Variants in ABHD10 observed in about 807,000 individuals in gnomAD.
ABHD10 encodes the protein abhydrolase domain containing 10, depalmitoylase.
Under a neutral mutation model 33.1 loss-of-function variants are expected in ABHD10, and 22 were observed. That is an observed-to-expected ratio of 0.66 (90% CI 0.47 to 0.95). The LOEUF is 0.95. ABHD10 is among the 40% of genes least tolerant of loss of function. The probability of loss-of-function intolerance (pLI) is 0.00; values close to 1 mark genes in which losing one functional copy is unlikely to be tolerated. For synonymous variants in ABHD10, 146 were observed against 133.9 expected, an observed-to-expected ratio of 1.09 and a Z score of -0.62; for missense variants, 352 against 379.9, an observed-to-expected ratio of 0.93 and a Z score of 0.61.
At position 111,981,808 on chromosome 3, in the gene ABHD10, C is replaced by T. The variant is rs1277500450; in HGVS notation, c.167C>T (p.Ser56Leu). The change falls in exon 2 of 5, where the codon TCA (serine) becomes TTA (leucine). Residue 56 changes from serine (S) to leucine (L), a missense_variant. Physicochemically the swap from Ser to Leu is moderately radical, Grantham distance 145. Transcript: ENST00000273359. ...LPACRQKTSL[S>L]FLNRPDLPNL... is the part of the protein sequence containing the mutation. ...GCTTGTAGACAAAAGACGTCACTCT[C>T]ATTCCTTAATCGACCAGACCTTCCA... 6.3e-6 allele frequency: 10 copies of T among 1,579,852 alleles called. No individual in the cohort carries two copies. In the South Asian group the frequency reaches 9.3e-5, roughly 15 times the overall value.
intron 4 of ABHD10, among the ~76,000 whole-genome samples, chr3:111,988,190 A>G (rs750954885): frequency 1.8e-4 from 27 of 152,338 alleles, no homozygotes; most frequent in Non-Finnish European, 3.4e-4. Context: ...CCTGTGCCAT[A>G]TATTAACTAA....
chr3:111,982,533 A>G (rs1261819659), intron 2 of ABHD10, among the ~76,000 whole-genome samples: 1 of 152,076 alleles, frequency 6.6e-6, no homozygotes, highest in Non-Finnish European at 1.5e-5. Flanking sequence ...GTCTACCTGT[A>G]GCAGTTATAT....
intron 4 of ABHD10, among the ~76,000 whole-genome samples, chr3:111,987,540 G>A (rs2072683187): frequency 6.6e-6 from 1 of 152,018 alleles, no homozygotes; most frequent in East Asian, 1.9e-4. Context: ...TCCACAGATG[G>A]TCAAGTCTCT....
At position 111,981,902 on chromosome 3, in the gene ABHD10, T is replaced by C. The variant is rs749218961; in HGVS notation, c.261T>C (p.Tyr87=). The C allele has an allele frequency of 6.2e-6, 10 of 1,608,036 alleles. No individual in the cohort carries two copies. In the South Asian group the frequency reaches 6.7e-5, roughly 11 times the overall value. Residue 87 remains tyrosine (Y), a synonymous_variant, in exon 2 of 5, where the codon TAT becomes TAC. Transcript: ENST00000273359. ...GIIFIPGYLS[Y]MNGTKALAIE... is the part of the protein sequence containing the mutation. ...TCTTCATCCCTGGCTATCTTTCTTA[T>C]ATGAATGGTACAAAAGCGTTGGCGA...
chr3:111,983,291 A>G (rs1489978730), intron 2 of ABHD10, among the ~76,000 whole-genome samples: 1 of 152,172 alleles, frequency 6.6e-6, no homozygotes, highest in Non-Finnish European at 1.5e-5. Flanking sequence ...TGAGCAGAAG[A>G]TCATAATATC....
At chr3:111,989,804 A>G (rs958770846) in intron 4 of ABHD10, among the ~76,000 whole-genome samples, 1 of 143,192 alleles carries the variant, frequency 7.0e-6, no homozygotes, top group Non-Finnish European at 1.5e-5. Context: ...TTAGAAGTAC[A>G]GTTTTTTTTT....
At position 111,979,156 on chromosome 3, in the gene ABHD10, G is replaced by A. The variant is rs753810252; in HGVS notation, c.95G>A (p.Ser32Asn). ...CCCTTCGGTCCCCACCGTGGCCTCA[G>A]CGTGCTGCTTGCACGGATACCTCAG... ...AVPFGPHRGLSVLLARIPQRA... is the reference protein window; with the variant it reads ...AVPFGPHRGLNVLLARIPQRA... The change falls in exon 1 of 5, where the codon AGC becomes AAC. Residue 32 changes from serine to asparagine, a missense_variant. Ser to Asn is a conservative substitution (Grantham distance 46). Coordinates refer to ENST00000273359, the MANE Select transcript of ABHD10 (RefSeq NM_018394.4). The A allele has an allele frequency of 6.2e-7, 1 of 1,612,886 alleles. No individual in the cohort carries two copies. The highest frequency in any genetic ancestry group is 2.2e-5 in the East Asian group (1 of 44,852).
chr3:111,989,743 A>G (rs1009029190), intron 4 of ABHD10, among the ~76,000 whole-genome samples: 4 of 151,942 alleles, frequency 2.6e-5, no homozygotes, highest in Non-Finnish European at 5.9e-5. Context: ...ATTTATATAC[A>G]TTTTATAGTT....
rs1211549528 is a variant in ABHD10, at chr3:111,986,196, T to A, written c.327-68T>A. 1.3e-5 allele frequency: 11 copies of A among 849,292 alleles called. No homozygotes were observed. The Admixed American group carries it at 2.0e-4, about 16-fold the overall frequency. 52.6% of individuals were successfully genotyped at this position (849,292 alleles called of 1,614,324 possible). On this transcript the variant is annotated intron_variant, in intron 2 of 4. Transcript: ENST00000273359. ...CATTATAGTAATGAGGAAGGTGCTATCTTTCTTAAAAATTAAAGAAGCAGA... is the reference window on the plus strand; with the variant it reads ...CATTATAGTAATGAGGAAGGTGCTAACTTTCTTAAAAATTAAAGAAGCAGA...
chr3:111,981,636 C>A, intron 1 of ABHD10, 148 bp from the exon 2 acceptor site: 1 of 663,622 alleles, frequency 1.5e-6, no homozygotes, highest in Non-Finnish European at 2.4e-6. Context: ...TTACTTAGTA[C>A]TTTGAGTCTG....
rs1559938501 is a variant in ABHD10, at chr3:111,991,480, A to AT, written c.681dup (p.His228SerfsTer6). On this transcript the variant is annotated frameshift_variant, in exon 5 of 5. Coordinates refer to ENST00000273359, the MANE Select transcript of ABHD10 (RefSeq NM_018394.4). LOFTEE classifies it high-confidence loss of function. ...TACAGTTTCATTAAAGAAGCTGAAC[A>AT]TCACTGCTTGTTACATAGCCCAATT... 1.9e-6 allele frequency: 3 copies of AT among 1,614,126 alleles called. No individual in the cohort carries two copies. In the South Asian group the frequency reaches 3.3e-5, roughly 18 times the overall value.
chr3:111,984,594 A>G (rs954124883), intron 2 of ABHD10, among the ~76,000 whole-genome samples: 1 of 152,218 alleles, frequency 6.6e-6, no homozygotes, highest in African/African-American at 2.4e-5. Flanking sequence ...AAAAAAATTT[A>G]CTGTAAAATT....
Position 111,981,819 on chromosome 3 carries a change from C to T in ABHD10, c.178C>T (p.Arg60Ter), listed in dbSNP as rs183358018. 1.3e-6 allele frequency: 2 copies of T among 1,593,268 alleles called. No homozygotes were observed. Among genetic ancestry groups the T allele is most frequent in the South Asian group, 1.1e-5 (1 of 87,702 alleles). ...AAAGACGTCACTCTCATTCCTTAAT[C>T]GACCAGACCTTCCAAACCTGGCTTA... ...RQKTSLSFLN[R>*]PDLPNLAYKK... is the part of the protein sequence containing the mutation. The change falls in exon 2 of 5, where the codon CGA (arginine) becomes TGA (stop). Residue 60 changes from arginine (R) to a stop codon, truncating the protein, a stop_gained. Transcript: ENST00000273359. LOFTEE classifies it high-confidence loss of function.
chr3:111,979,035 CTGCAGGG>C lies in ABHD10; in HGVS notation c.-23_-17del. The C allele has an allele frequency of 6.2e-7, 1 of 1,606,540 alleles. No individual in the cohort carries two copies. Among genetic ancestry groups the C allele is most frequent in the African/African-American group, 1.3e-5 (1 of 74,974 alleles). On this transcript the variant is annotated 5_prime_UTR_variant, in exon 1 of 5. Transcript: ENST00000273359. ...GCGTAGCGTGTCCCTCAGTGGGACA[CTGCAGGG>C]TGCGGGGACAACTACGAAGATGGCG... is the stretch of plus-strand genomic sequence containing the variant.
At position 111,991,655 on chromosome 3, in the gene ABHD10, A is replaced by T; in HGVS notation, c.855A>T (p.Ala285=). The change falls in exon 5 of 5, where the codon GCA becomes GCT. Residue 285 remains alanine (A), a synonymous_variant. Transcript: ENST00000273359. ...KHSDHRMREK[A]DIQLLVYTID... ...GTGATCACCGAATGAGGGAAAAAGC[A>T]GACATTCAACTTCTTGTTTACACTA... The T allele has an allele frequency of 3.1e-6, 5 of 1,614,096 alleles. No individual in the cohort carries two copies. The highest frequency in any genetic ancestry group is 4.2e-6 in the Non-Finnish European group (5 of 1,179,938).
intron 2 of ABHD10, among the ~76,000 whole-genome samples, chr3:111,984,182 T>G (rs937377771): frequency 3.9e-5 from 6 of 152,168 alleles, no homozygotes; most frequent in African/African-American, 1.4e-4. Flanking sequence ...TCTACCCATC[T>G]CTTACATACC....
At position 111,986,252 on chromosome 3, in the gene ABHD10, C is replaced by T; in HGVS notation, c.327-12C>T. 6.5e-7 allele frequency: 1 copy of T among 1,533,348 alleles called. No individual in the cohort carries two copies. The highest frequency in any genetic ancestry group is 9.0e-7 in the Non-Finnish European group (1 of 1,114,530). 95.0% of individuals were successfully genotyped at this position (1,533,348 alleles called of 1,614,324 possible). A position where few individuals can be genotyped will look rare whatever the true frequency, so the allele number is the denominator to read the frequency against. On this transcript the variant is annotated splice_polypyrimidine_tract_variant and intron_variant, in intron 2 of 4. Transcript: ENST00000273359. Reference sequence around the variant, plus strand: ...AGATATTTAGATATAGATTTTTTTCCCCTTTTTCCAGGTTTGATTACTCAG... The same window carrying T: ...AGATATTTAGATATAGATTTTTTTCTCCTTTTTCCAGGTTTGATTACTCAG...
chr3:111,981,073 G>A lies in ABHD10; in HGVS notation c.143-711G>A, dbSNP rs148879702. Reference sequence around the variant, plus strand: ...GTAATTTCAGCAATGGGAGGCCAAGGTGGGAGGGTCACTTGAGCCTGGGAG... The same window carrying A: ...GTAATTTCAGCAATGGGAGGCCAAGATGGGAGGGTCACTTGAGCCTGGGAG... On this transcript the variant is annotated intron_variant, in intron 1 of 4. Transcript: ENST00000273359. 8.1e-4 allele frequency among the ~76,000 whole-genome samples: 123 copies of A among 152,146 alleles called. 1 individual carries two copies. The highest frequency in any genetic ancestry group is 2.8e-3 in the African/African-American group (115 of 41,508).
intron 1 of ABHD10, among the ~76,000 whole-genome samples, chr3:111,980,798 C>T (rs960835374): frequency 2.0e-5 from 3 of 152,078 alleles, no homozygotes; most frequent in African/African-American, 7.2e-5. Flanking sequence ...ACGATACTAT[C>T]ATATGTTGTT....
Sources: gnomAD v4.1 joint callset for allele counts (sites outside exome capture counted in the v4.1 genomes callset) on GRCh38, gnomAD v4.1.1 for gene constraint, MANE v1.5 for transcripts, NCBI Gene and HGNC (gene_info 2026-07-23, HGNC 2026-07-21) for gene names.